The following NRXN3 variants were observed in gnomAD, a reference collection of about 807,000 sequenced individuals.
NRXN3 encodes neurexin III.
Under a neutral mutation model 137.6 loss-of-function variants are expected in NRXN3, and 32 were observed. The observed-to-expected ratio is 0.23, with a 90% CI of 0.18 to 0.31. The LOEUF is 0.31. Among genes scored for constraint, NRXN3 ranks in the 10% least tolerant of loss-of-function variants. NRXN3 has a pLI of 1.00. For synonymous variants in NRXN3, 798 were observed against 784.5 expected, an observed-to-expected ratio of 1.02 and a Z score of -0.29; for missense variants, 1,574 against 2,062.5, an observed-to-expected ratio of 0.76 and a Z score of 4.59.
intron 15 of NRXN3, among the ~76,000 whole-genome samples, chr14:79,063,321 T>C (rs1446847442): frequency 6.6e-6 from 1 of 152,166 alleles, no homozygotes; most frequent in Non-Finnish European, 1.5e-5. Flanking sequence ...CTCGCTCTTA[T>C]TGCCCAGGCT....
chr14:79,564,169 TA>T (rs58359034), intron 16 of NRXN3, among the ~76,000 whole-genome samples: 17,606 of 143,348 alleles, frequency 0.12, 1,191 homozygotes, highest in African/African-American at 0.19. Flanking sequence ...TCAAAAAGAT[TA>T]AAAAAAAAAA....
intron 15 of NRXN3, among the ~76,000 whole-genome samples, chr14:79,368,592 T>C (rs2093982025): frequency 6.6e-6 from 1 of 152,202 alleles, no homozygotes; most frequent in Non-Finnish European, 1.5e-5. Context: ...TCCTTACTCA[T>C]CAAAGGGTAA....
At chr14:79,747,855 G>A (rs1479624987) in intron 19 of NRXN3, among the ~76,000 whole-genome samples, 5 of 152,072 alleles carry the variant, frequency 3.3e-5, no homozygotes, top group Non-Finnish European at 5.9e-5. Flanking sequence ...CCCTTGATGT[G>A]TGTCTTTGGG....
chr14:79,321,303 T>C (rs2089979927), intron 15 of NRXN3, among the ~76,000 whole-genome samples: 1 of 152,168 alleles, frequency 6.6e-6, no homozygotes, highest in Admixed American at 6.5e-5. Flanking sequence ...GAAGATAAGA[T>C]ACCATCTTAT....
At chr14:79,266,349 T>C (rs997635508) in intron 15 of NRXN3, among the ~76,000 whole-genome samples, 35 of 152,066 alleles carry the variant, frequency 2.3e-4, no homozygotes, top group African/African-American at 7.0e-4. Context: ...TCTCCAGCTA[T>C]AAAGGTTATA....
chr14:79,229,208 G>T (rs141919083), intron 15 of NRXN3, among the ~76,000 whole-genome samples: 1 of 152,138 alleles, frequency 6.6e-6, no homozygotes, highest in Non-Finnish European at 1.5e-5. Context: ...ATCTAAAATA[G>T]TATGTTCTCT....
intron 15 of NRXN3, among the ~76,000 whole-genome samples, chr14:79,258,909 T>A (rs546081651): frequency 2.0e-5 from 3 of 152,218 alleles, no homozygotes; most frequent in Non-Finnish European, 4.4e-5. Context: ...TCCTTCAACT[T>A]CCATGGCCCT....
At chr14:79,689,809 T>C (rs2154023788) in intron 17 of NRXN3, among the ~76,000 whole-genome samples, 1 of 152,194 alleles carries the variant, frequency 6.6e-6, no homozygotes, top group East Asian at 1.9e-4. Flanking sequence ...GTGGGGATGC[T>C]TAGGAGGGAC....
rs1464442348 is a variant in NRXN3 at position 78,398,332 on chromosome 14, T to A, written c.757+100472T>A. On this transcript the variant is annotated intron_variant, in intron 4 of 20. Coordinates refer to ENST00000335750, the MANE Select transcript of NRXN3 (RefSeq NM_001330195.2). ...GATCATCTCAGTTCTTGCTATGATG[T>A]GTTTCCATTGAAACCTGGACACTTT... 2.0e-5 allele frequency among the ~76,000 whole-genome samples: 3 copies of A among 152,186 alleles called. No individual in the cohort carries two copies. The East Asian group carries it at 5.8e-4, about 29-fold the overall frequency.
At chr14:79,778,990 A>G (rs868240956) in intron 19 of NRXN3, among the ~76,000 whole-genome samples, 4 of 152,226 alleles carry the variant, frequency 2.6e-5, no homozygotes, top group Non-Finnish European at 5.9e-5. Context: ...CTCTTCTGCA[A>G]AACAGAAATG....
chr14:79,723,191 A>C (rs1490579374), intron 19 of NRXN3, among the ~76,000 whole-genome samples: 1 of 152,160 alleles, frequency 6.6e-6, no homozygotes, highest in Non-Finnish European at 1.5e-5. Flanking sequence ...TTATAGCTAG[A>C]TATAGAACTT....
intron 8 of NRXN3, among the ~76,000 whole-genome samples, chr14:78,797,445 T>C (rs894039769): frequency 9.2e-5 from 14 of 152,194 alleles, no homozygotes; most frequent in Non-Finnish European, 1.6e-4. Context: ...GTAACTATTA[T>C]AAATATGTTC....
At chr14:78,754,981 A>G (rs2098661093) in intron 8 of NRXN3, among the ~76,000 whole-genome samples, 1 of 151,950 alleles carries the variant, frequency 6.6e-6, no homozygotes, top group Non-Finnish European at 1.5e-5. Context: ...TATGTTGTCT[A>G]GTAAAAGGCA....
chr14:78,949,239 C>A (rs1390538233), intron 10 of NRXN3, among the ~76,000 whole-genome samples: 1 of 152,102 alleles, frequency 6.6e-6, no homozygotes, highest in South Asian at 2.1e-4. Context: ...GCTCCTCTTC[C>A]TTCTCCCCCT....
At chr14:79,294,922 C>A (rs908301329) in intron 15 of NRXN3, among the ~76,000 whole-genome samples, 1 of 152,122 alleles carries the variant, frequency 6.6e-6, no homozygotes, top group Non-Finnish European at 1.5e-5. Context: ...ATCACCTAAA[C>A]AGTTGTGACA....
At chr14:79,293,776 G>T (rs1294679821) in intron 15 of NRXN3, among the ~76,000 whole-genome samples, 2 of 152,254 alleles carry the variant, frequency 1.3e-5, no homozygotes, top group South Asian at 4.1e-4. Context: ...CCCTCACGGG[G>T]TCTCCTGCTT....
intron 13 of NRXN3, 121 bp from the exon 14 acceptor site, chr14:78,968,052 C>T (rs1314991247): frequency 0.26 from 7,981 of 30,166 alleles, 2,226 homozygotes; most frequent in African/African-American, 0.54. Context: ...ATGCTGTCCC[C>T]CCCCCCCCCC....
chr14:78,363,430 G>A (rs1222679849), intron 4 of NRXN3, among the ~76,000 whole-genome samples: 1 of 152,134 alleles, frequency 6.6e-6, no homozygotes, highest in Non-Finnish European at 1.5e-5. Context: ...GCTAACTCCT[G>A]GATTCTATCA....
chr14:78,200,300 G>A (rs190528597), intron 1 of NRXN3, among the ~76,000 whole-genome samples: 157 of 152,312 alleles, frequency 1.0e-3, no homozygotes, highest in Admixed American at 2.2e-3. Flanking sequence ...TTCAGATATG[G>A]TTGCCGATGC....
Sources: gnomAD v4.1 joint callset for allele counts (sites outside exome capture counted in the v4.1 genomes callset) on GRCh38, gnomAD v4.1.1 for gene constraint, MANE v1.5 for transcripts, NCBI Gene and HGNC (gene_info 2026-07-23, HGNC 2026-07-21) for gene names.